CAPN14: variants seen among roughly 807,000 people sequenced by gnomAD.
CAPN14 encodes calpain 14.
Under a neutral mutation model 101.3 loss-of-function variants are expected in CAPN14, and 94 were observed. The ratio of observed to expected loss-of-function variants is 0.93; its 90% CI spans 0.79 to 1.10. The LOEUF is 1.10. Among genes scored for constraint, CAPN14 ranks in the 50% least tolerant of loss-of-function variants. The probability of loss-of-function intolerance (pLI) is 0.00; values close to 1 mark genes in which losing one functional copy is unlikely to be tolerated. For synonymous variants in CAPN14, 338 were observed against 317.9 expected (o/e 1.06, Z -0.67); for missense variants, 837 against 828.4 (o/e 1.01, Z -0.13).
chr2:31,189,551 A>C (rs1375521441), intron 12 of CAPN14, 73 bp from the exon 13 acceptor site: 1 of 1,254,618 alleles, frequency 8.0e-7, no homozygotes, highest in African/African-American at 1.5e-5. Flanking sequence ...AGGCCCTCAA[A>C]GCTCTGAGCC....
chr2:31,182,779 C>A (rs1558613364), intron 16 of CAPN14, among the ~76,000 whole-genome samples: 1 of 151,652 alleles, frequency 6.6e-6, no homozygotes, highest in Non-Finnish European at 1.5e-5. Context: ...TTTATAGATT[C>A]AATGCCATCC....
At chr2:31,190,911 C>T (rs935704814) in intron 12 of CAPN14, among the ~76,000 whole-genome samples, 7 of 152,200 alleles carry the variant, frequency 4.6e-5, no homozygotes, top group East Asian at 3.8e-4. Flanking sequence ...AGCTGAAGCA[C>T]GGAGGTGTTC....
intron 1 of CAPN14, among the ~76,000 whole-genome samples, 163 bp from the exon 2 acceptor site, chr2:31,205,662 T>C (rs1382411328): frequency 5.3e-5 from 8 of 152,114 alleles, no homozygotes; most frequent in South Asian, 4.1e-4. Context: ...TGTGGGTCCT[T>C]GAGCACTCAC....
intron 15 of CAPN14, 67 bp downstream of exon 15, chr2:31,187,691 T>C (rs1680970554): frequency 1.3e-5 from 18 of 1,390,770 alleles, no homozygotes; most frequent in Non-Finnish European, 1.8e-5. Flanking sequence ...ACCTATACTT[T>C]ATAAAATGAG....
chr2:31,202,417 G>A (rs1681841774), intron 3 of CAPN14, among the ~76,000 whole-genome samples, 165 bp from the exon 4 acceptor site: 1 of 152,142 alleles, frequency 6.6e-6, no homozygotes, highest in East Asian at 1.9e-4. Flanking sequence ...GTGGGGCTGG[G>A]AGCATTGGCT....
At chr2:31,200,346 C>G in intron 6 of CAPN14, 105 bp downstream of exon 6, 1 of 1,028,000 alleles carries the variant, frequency 9.7e-7, no homozygotes, top group Non-Finnish European at 1.4e-6. Context: ...GCACTAGGAG[C>G]TGGGTGGAGG....
rs766420143 is a variant in CAPN14 at position 31,174,519 on chromosome 2, G to A, written c.*162C>T. The A allele has an allele frequency of 6.4e-5, 43 of 672,276 alleles. No individual in the cohort carries two copies. The highest frequency in any genetic ancestry group is 8.2e-5 in the Non-Finnish European group (32 of 389,422). 41.6% of individuals were successfully genotyped at this position (672,276 alleles called of 1,614,324 possible). A position where few individuals can be genotyped will look rare whatever the true frequency, so the allele number is the denominator to read the frequency against. ...CCCTTTCTGCATGCTGGCCATGCAC[G>A]GGGAGGGCTGCAGAAGAGAAACCTT... On this transcript the variant is annotated 3_prime_UTR_variant, in exon 22 of 22. Transcript: ENST00000403897.
chr2:31,184,926 TA>T (rs1680831588), intron 16 of CAPN14, among the ~76,000 whole-genome samples: 1 of 152,346 alleles, frequency 6.6e-6, no homozygotes, highest in Non-Finnish European at 1.5e-5. Flanking sequence ...ATCTTTCACA[TA>T]AACTGCCACA....
At chr2:31,189,221 C>T (rs1276611000) in intron 13 of CAPN14, 52 bp downstream of exon 13, 6 of 1,505,506 alleles carry the variant, frequency 4.0e-6, no homozygotes, top group Non-Finnish European at 5.4e-6. Context: ...CCCTCCTTGC[C>T]TGTCCTCGTC....
rs1484347930 is a variant in CAPN14, at chr2:31,177,745, C to A, written c.1855+1G>T. ...ACAGCTCCAGCTCTTCCTGTGCCTACCTGCCTCCCTCATGGCAGCGTGCAG... is the reference window on the plus strand; with the variant it reads ...ACAGCTCCAGCTCTTCCTGTGCCTAACTGCCTCCCTCATGGCAGCGTGCAG... On this transcript the variant is annotated splice_donor_variant, in intron 19 of 21. Transcript: ENST00000403897. LOFTEE classifies it high-confidence loss of function. 1.3e-6 allele frequency: 2 copies of A among 1,551,148 alleles called. No individual in the cohort carries two copies. Among genetic ancestry groups the A allele is most frequent in the South Asian group, 2.4e-5 (2 of 84,048 alleles).
chr2:31,192,227 G>T, intron 10 of CAPN14, 129 bp from the exon 11 acceptor site: 3 of 1,087,302 alleles, frequency 2.8e-6, no homozygotes, highest in Admixed American at 3.2e-5. Flanking sequence ...CACTGGGACA[G>T]AGTCGGGGTC....
Position 31,174,627 on chromosome 2 carries a change from T to C in CAPN14, c.*54A>G, listed in dbSNP as rs905090920. The C allele has an allele frequency of 5.8e-6, 9 of 1,545,926 alleles. No individual in the cohort carries two copies. The Admixed American group carries it at 1.4e-4, about 24-fold the overall frequency. ...GCATGGGTTGGTCTCAGCCAAAGGC[T>C]GCTCTTGGGCCACATGCAGAGTCTT... On this transcript the variant is annotated 3_prime_UTR_variant, in exon 22 of 22. Coordinates refer to ENST00000403897, the MANE Select transcript of CAPN14 (RefSeq NM_001145122.2).
At chr2:31,224,151 G>A (rs922783429) in intron 2 of CAPN14, among the ~76,000 whole-genome samples, 1 of 152,140 alleles carries the variant, frequency 6.6e-6, no homozygotes. Context: ...TATTCTTGTG[G>A]CTATCAATAG....
chr2:31,207,354 C>G (rs769520220), intron 1 of CAPN14, among the ~76,000 whole-genome samples: 95 of 152,328 alleles, frequency 6.2e-4, no homozygotes, highest in Non-Finnish European at 1.2e-3. Context: ...TGGTGCTTCT[C>G]AAATTATCAC....
intron 1 of CAPN14, among the ~76,000 whole-genome samples, chr2:31,208,775 A>G (rs1682239011): frequency 1.3e-5 from 2 of 152,186 alleles, no homozygotes; most frequent in Admixed American, 1.3e-4. Flanking sequence ...TTGGAAATTC[A>G]TTTTGACTAT....
At chr2:31,212,564 G>A (rs1375612464) in intron 1 of CAPN14, among the ~76,000 whole-genome samples, 1 of 152,014 alleles carries the variant, frequency 6.6e-6, no homozygotes, top group Admixed American at 6.6e-5. Context: ...TGAGAATTCT[G>A]GGCTCCATTT....
chr2:31,206,087 C>T (rs1682073830), intron 1 of CAPN14, among the ~76,000 whole-genome samples: 1 of 143,906 alleles, frequency 6.9e-6, no homozygotes, highest in South Asian at 2.2e-4. Flanking sequence ...GGCTGGAGTG[C>T]AGTGGCGCGA....
At chr2:31,182,536 C>G (rs1306140969) in intron 16 of CAPN14, among the ~76,000 whole-genome samples, 1 of 128,634 alleles carries the variant, frequency 7.8e-6, no homozygotes, top group East Asian at 2.0e-4. Flanking sequence ...TCTTATACAC[C>G]AATAACAGAC....
At chr2:31,206,636 T>C (rs1265999211) in intron 1 of CAPN14, among the ~76,000 whole-genome samples, 1 of 152,110 alleles carries the variant, frequency 6.6e-6, no homozygotes, top group Non-Finnish European at 1.5e-5. Flanking sequence ...CACACACACA[T>C]ATTGTGCCAA....
Sources: gnomAD v4.1 joint callset for allele counts (sites outside exome capture counted in the v4.1 genomes callset) on GRCh38, gnomAD v4.1.1 for gene constraint, MANE v1.5 for transcripts, NCBI Gene and HGNC (gene_info 2026-07-23, HGNC 2026-07-21) for gene names.